RCAN1: variants seen among roughly 807,000 people sequenced by gnomAD.
RCAN1 encodes the protein regulator of calcineurin 1.
A neutral mutation model predicts 22.9 loss-of-function variants in RCAN1; 11 were observed. The ratio of observed to expected loss-of-function variants is 0.48; its 90% CI spans 0.30 to 0.79. The LOEUF is 0.79. RCAN1 is among the 30% of genes least tolerant of loss of function. The probability of loss-of-function intolerance (pLI) is 0.06; values close to 1 mark genes in which losing one functional copy is unlikely to be tolerated. For synonymous variants in RCAN1, 136 were observed against 142.3 expected (o/e 0.96, Z 0.32); for missense variants, 291 against 337.8 (o/e 0.86, Z 1.09).
intron 1 of RCAN1, among the ~76,000 whole-genome samples, chr21:34,556,429 A>AAATAACAATAATAAT (rs1986575873): frequency 6.9e-6 from 1 of 145,540 alleles, no homozygotes; most frequent in African/African-American, 2.5e-5. Flanking sequence ...TTGTCTCAAA[A>AAATAACAATAATAAT]AATAATAATA....
At chr21:34,559,688 G>C (rs1392570300) in intron 1 of RCAN1, 1 of 152,098 alleles carries the variant, frequency 6.6e-6, no homozygotes, top group Non-Finnish European at 1.5e-5. Context: ...CAGTTTACAA[G>C]GTCATTTCAC....
At chr21:34,540,679 G>C (rs1439564965) in intron 1 of RCAN1, among the ~76,000 whole-genome samples, 1 of 152,124 alleles carries the variant, frequency 6.6e-6, no homozygotes, top group African/African-American at 2.4e-5. Flanking sequence ...GGAAGGTATG[G>C]TTATTCCTTC....
chr21:34,605,046 C>T (rs763499333), intron 1 of RCAN1, among the ~76,000 whole-genome samples: 4 of 152,282 alleles, frequency 2.6e-5, no homozygotes, highest in East Asian at 3.9e-4. Flanking sequence ...TAAGTGTCAA[C>T]TTGATTGGAT....
intron 1 of RCAN1, among the ~76,000 whole-genome samples, chr21:34,573,766 T>C (rs954274490): frequency 1.3e-5 from 2 of 152,230 alleles, no homozygotes; most frequent in African/African-American, 2.4e-5. Context: ...GATAATGCCA[T>C]CTTTTGTTCC....
Position 34,521,587 on chromosome 21 carries a change from G to C in RCAN1, c.498C>G (p.Ala166=). The C allele has an allele frequency of 6.2e-7, 1 of 1,614,238 alleles. No homozygotes were observed. Among genetic ancestry groups the C allele is most frequent in the Non-Finnish European group, 8.5e-7 (1 of 1,180,040 alleles). ...CTTGTTTCCATCCCACTGGCGGAGA[G>C]GCGGGAGGGGAGATCAGAAACTGCT... is the stretch of plus-strand genomic sequence containing the variant. The part of the protein sequence containing the change: ...PDKQFLISPP[A]SPPVGWKQVE... The change falls in exon 3 of 4, where the codon GCC becomes GCG. Residue 166 remains alanine (A), a synonymous_variant. Coordinates refer to ENST00000313806, the MANE Select transcript of RCAN1 (RefSeq NM_004414.7).
At chr21:34,550,337 C>T (rs1986320971) in intron 1 of RCAN1, among the ~76,000 whole-genome samples, 1 of 152,152 alleles carries the variant, frequency 6.6e-6, no homozygotes, top group African/African-American at 2.4e-5. Flanking sequence ...GAAATGAACT[C>T]CTCCCAAAAA....
chr21:34,555,021 G>A (rs1986505855), intron 1 of RCAN1, among the ~76,000 whole-genome samples: 1 of 152,234 alleles, frequency 6.6e-6, no homozygotes, highest in Non-Finnish European at 1.5e-5. Context: ...GCTACAAGAA[G>A]AGATTTGAGT....
intron 1 of RCAN1, among the ~76,000 whole-genome samples, chr21:34,581,521 GGAA>G (rs1346181940): frequency 2.0e-5 from 3 of 152,052 alleles, no homozygotes; most frequent in Admixed American, 6.6e-5. Context: ...AGGAATAAGA[GGAA>G]GAAGAAGGAG....
rs184783634 is a variant in RCAN1 at position 34,602,923 on chromosome 21, C to A, written c.252+11837G>T. Among the ~76,000 whole-genome samples, 7 of 152,178 alleles carry A rather than the reference C, an allele frequency of 4.6e-5. No homozygotes were observed. In the East Asian group the frequency reaches 1.4e-3, roughly 29 times the overall value. On this transcript the variant is annotated intron_variant, in intron 1 of 3. Coordinates refer to ENST00000313806, the MANE Select transcript of RCAN1 (RefSeq NM_004414.7). ...GGAGGGTCATTCCTTTCAAAAGTCT[C>A]CCCTTCAGGTGAGCACGTTCCCCTA...
At chr21:34,545,920 G>T (rs1206735968) in intron 1 of RCAN1, among the ~76,000 whole-genome samples, 1 of 152,204 alleles carries the variant, frequency 6.6e-6, no homozygotes, top group Admixed American at 6.5e-5. Context: ...TTGTTCAACA[G>T]AAAAGAATGA....
chr21:34,557,674 T>G (rs967087682), intron 1 of RCAN1, among the ~76,000 whole-genome samples: 5 of 152,234 alleles, frequency 3.3e-5, no homozygotes, highest in Admixed American at 2.6e-4. Context: ...CAACACAACT[T>G]TCTCATTTAA....
At chr21:34,543,701 T>C (rs1202723564) in intron 1 of RCAN1, among the ~76,000 whole-genome samples, 5 of 152,236 alleles carry the variant, frequency 3.3e-5, no homozygotes, top group Non-Finnish European at 5.9e-5. Context: ...CTGCTGTCCT[T>C]TTATTTCTTC....
chr21:34,545,548 G>T (rs74955521), intron 1 of RCAN1, among the ~76,000 whole-genome samples: 1,825 of 152,326 alleles, frequency 0.012, 38 homozygotes, highest in African/African-American at 0.042. Context: ...TTGAAGAAGT[G>T]GGGGGCTGGC....
At chr21:34,544,786 C>T (rs1986066318) in intron 1 of RCAN1, among the ~76,000 whole-genome samples, 1 of 152,172 alleles carries the variant, frequency 6.6e-6, no homozygotes, top group Non-Finnish European at 1.5e-5. Context: ...GAAGCACCCG[C>T]CTCGGGTTGG....
intron 1 of RCAN1, among the ~76,000 whole-genome samples, chr21:34,555,617 T>G (rs1371212417): frequency 6.6e-6 from 1 of 151,176 alleles, no homozygotes; most frequent in Non-Finnish European, 1.5e-5. Flanking sequence ...AAAAATAAAA[T>G]TACTCCATGG....
At chr21:34,566,854 A>C (rs1175636851) in intron 1 of RCAN1, among the ~76,000 whole-genome samples, 1 of 152,130 alleles carries the variant, frequency 6.6e-6, no homozygotes, top group African/African-American at 2.4e-5. Flanking sequence ...AGGAGGTGCC[A>C]GGCTCCTTTA....
chr21:34,549,511 G>A (rs557176677), intron 1 of RCAN1, among the ~76,000 whole-genome samples: 6 of 152,242 alleles, frequency 3.9e-5, no homozygotes, highest in Admixed American at 2.0e-4. Flanking sequence ...GAAAAATTAC[G>A]GAGGGAAACT....
chr21:34,551,050 C>G (rs116636858), intron 1 of RCAN1, among the ~76,000 whole-genome samples: 41 of 152,294 alleles, frequency 2.7e-4, no homozygotes, highest in African/African-American at 9.9e-4. Flanking sequence ...TCTATGACAA[C>G]GATTAAACTC....
chr21:34,571,083 C>T (rs1360811164), intron 1 of RCAN1, among the ~76,000 whole-genome samples: 5 of 152,064 alleles, frequency 3.3e-5, no homozygotes, highest in Admixed American at 6.5e-5. Context: ...CACCTGAAGT[C>T]GGGAGTTCGA....
Sources: gnomAD v4.1 joint callset for allele counts (sites outside exome capture counted in the v4.1 genomes callset) on GRCh38, gnomAD v4.1.1 for gene constraint, MANE v1.5 for transcripts, NCBI Gene and HGNC (gene_info 2026-07-23, HGNC 2026-07-21) for gene names.